The following RASSF1 variants were observed in gnomAD, a reference collection of about 807,000 sequenced individuals.
RASSF1 encodes the protein ras association domain-containing protein 1.
RASSF1 carries 33 observed loss-of-function variants against 34.3 expected under a neutral mutation model. The observed-to-expected ratio is 0.96, with a 90% CI of 0.73 to 1.29. The LOEUF (loss-of-function observed/expected upper bound fraction) is 1.29. Ranked by LOEUF, RASSF1 falls within the 50% of genes most tolerant of loss-of-function variation. The pLI is 0.00. For synonymous variants in RASSF1, 191 were observed against 195.0 expected, an observed-to-expected ratio of 0.98 and a Z score of 0.17; for missense variants, 445 against 471.8, an observed-to-expected ratio of 0.94 and a Z score of 0.53.
chr3:50,337,147 G>A, intron 2 of RASSF1: 2 of 1,584,984 alleles, frequency 1.3e-6, no homozygotes, highest in South Asian at 1.1e-5. Flanking sequence ...TTCCCCTCCC[G>A]CCCGCCGGCA....
rs587713967 is a variant in RASSF1 at position 50,331,847 on chromosome 3, C to T, written c.472G>A (p.Gly158Ser). The T allele has an allele frequency of 3.5e-5, 55 of 1,561,200 alleles. 1 individual carries two copies. In the African/African-American group the frequency reaches 3.5e-4, roughly 10 times the overall value. ...SNLFMSLNKD[G>S]SYTGFIKVQL... ...ACCTTGATGAAGCCTGTGTAAGAAC[C>T]GTCCTTGTTCTAAAGAAATAGAGAA... is the stretch of plus-strand genomic sequence containing the variant. The change falls in exon 4 of 6, where the codon GGT becomes AGT. Residue 158 changes from glycine to serine, a missense_variant. By Grantham distance (56) the Gly-to-Ser change is moderately conservative (BLOSUM62 0). Transcript: ENST00000359365.
Position 50,331,578 on chromosome 3 carries a change from G to A in RASSF1, c.741C>T (p.Arg247=), listed in dbSNP as rs201678786. Reference sequence around the variant, plus strand: ...GCCCACCTTGGCCGTGACGCTCAGCGCGCTCAAAGAGTGCAAACTTGCGGG... The same window carrying A: ...GCCCACCTTGGCCGTGACGCTCAGCACGCTCAAAGAGTGCAAACTTGCGGG... ...DDPRKFALFE[R]AERHGQVYLR... is the part of the protein sequence containing the mutation. The change falls in exon 4 of 6, where the codon CGC becomes CGT. Residue 247 remains arginine, a synonymous_variant. Transcript: ENST00000359365. 60 of 1,594,932 alleles carry A rather than the reference G, an allele frequency of 3.8e-5. 1 individual carries two copies. The South Asian group carries it at 4.1e-4, about 11-fold the overall frequency.
In RASSF1 at chr3:50,330,759, G is replaced by T. The variant is rs1553718222; in HGVS notation, c.877-32C>A. On this transcript the variant is annotated intron_variant, in intron 5 of 5. Coordinates refer to ENST00000359365, the MANE Select transcript of RASSF1 (RefSeq NM_007182.5). This position sits in a 1 kb window ranked among gnomAD's most constrained non-coding sequence, Gnocchi z 4.5. ...GGGGCAAAAGGGGAGTGTACAGGCT[G>T]CAGAAGGGATGGCCAAGCCAGCAGA... 6.2e-7 allele frequency: 1 copy of T among 1,606,930 alleles called. No homozygotes were observed. Among genetic ancestry groups the T allele is most frequent in the Admixed American group, 1.7e-5 (1 of 59,794 alleles).
chr3:50,331,632 C>T lies in RASSF1; in HGVS notation c.687G>A (p.Leu229=), dbSNP rs373628040. Residue 229 remains leucine (L), a synonymous_variant, in exon 4 of 6, where the codon CTG becomes CTA. Transcript: ENST00000359365. ...CATCCACCACCAAGAACTTTCGCAG[C>T]AGGGCCTCAATGACTTCACGTGCCC... is the stretch of plus-strand genomic sequence containing the variant. ...RTRAREVIEA[L]LRKFLVVDDP... The T allele has an allele frequency of 6.8e-6, 11 of 1,606,490 alleles. No individual in the cohort carries two copies. The highest frequency in any genetic ancestry group is 4.0e-5 in the African/African-American group (3 of 74,818).
chr3:50,333,384 C>T (rs1575542261), intron 2 of RASSF1, among the ~76,000 whole-genome samples: 1 of 152,152 alleles, frequency 6.6e-6, no homozygotes. Flanking sequence ...GCATAAAAGG[C>T]AGCTTTAGGC....
chr3:50,332,605 T>C (rs1702986791), intron 2 of RASSF1, among the ~76,000 whole-genome samples: 1 of 151,310 alleles, frequency 6.6e-6, no homozygotes, highest in Admixed American at 6.6e-5. Flanking sequence ...TTGGGCAACA[T>C]AGCAAGACCT....
chr3:50,337,712 C>T (rs1046695992), intron 2 of RASSF1, 193 bp downstream of exon 2: 5 of 831,762 alleles, frequency 6.0e-6, no homozygotes, highest in African/African-American at 1.7e-5. Context: ...CCGCTTGCAG[C>T]GGGTGGAGTA....
intron 2 of RASSF1, among the ~76,000 whole-genome samples, chr3:50,334,298 C>T (rs587737077): frequency 5.9e-5 from 9 of 152,250 alleles, no homozygotes; most frequent in African/African-American, 2.2e-4. Context: ...CATTTTCTTC[C>T]CCAAGTATCC....
chr3:50,339,082 C>T (rs1703268212), intron 1 of RASSF1, among the ~76,000 whole-genome samples: 1 of 152,238 alleles, frequency 6.6e-6, no homozygotes, highest in Admixed American at 6.5e-5. Context: ...ACTAGATCCT[C>T]CGTGCCAGTA....
rs1017192174 is a variant in RASSF1 at position 50,339,360 on chromosome 3, C to CTTTTT, written c.250+1191_250+1195dup. 2.2e-3 allele frequency among the ~76,000 whole-genome samples: 226 copies of CTTTTT among 104,436 alleles called. 7 individuals are homozygous for CTTTTT. Among genetic ancestry groups the CTTTTT allele is most frequent in the African/African-American group, 7.3e-3 (161 of 21,928 alleles). The allele number at this position is 104,436 out of a possible 152,430, so 68.5% of individuals were successfully genotyped here. On this transcript the variant is annotated intron_variant, in intron 1 of 5. Transcript: ENST00000359365. ...AACGCTGCAATGTCCCAGCCTTGTT[C>CTTTTT]TTTTTTTTTTTTTTTTTTTTTTTGA...
chr3:50,331,576 G>A lies in RASSF1; in HGVS notation c.743C>T (p.Ala248Val), dbSNP rs747148071. Residue 248 changes from alanine to valine, a missense_variant, in exon 4 of 6, where the codon GCT becomes GTT. Transcript: ENST00000359365. The part of the protein sequence containing the change: ...DPRKFALFER[A>V]ERHGQVYLRK... Reference sequence around the variant, plus strand: ...AAGCCCACCTTGGCCGTGACGCTCAGCGCGCTCAAAGAGTGCAAACTTGCG... The same window carrying A: ...AAGCCCACCTTGGCCGTGACGCTCAACGCGCTCAAAGAGTGCAAACTTGCG... The A allele has an allele frequency of 6.3e-7, 1 of 1,594,544 alleles. No homozygotes were observed. The highest frequency in any genetic ancestry group is 1.1e-5 in the South Asian group (1 of 90,562).
rs112677709 is a variant in RASSF1 at position 50,340,738 on chromosome 3, C to G, written c.68G>C (p.Arg23Pro). The G allele has an allele frequency of 2.2e-5, 33 of 1,514,664 alleles. No individual in the cohort carries two copies. In the African/African-American group the frequency reaches 2.3e-4, roughly 11 times the overall value. The allele number at this position is 1,514,664 out of a possible 1,614,324, so 93.8% of individuals were successfully genotyped here. A position where few individuals can be genotyped will look rare whatever the true frequency, so the allele number is the denominator to read the frequency against. ...LAPAGRAGKGRTRLERANALR... is the reference protein window; with the variant it reads ...LAPAGRAGKGPTRLERANALR... ...CGCGTTGGCACGCTCCAGCCGGGTG[C>G]GGCCCTTCCCAGCGCGCCCAGCGGG... The change falls in exon 1 of 6, where the codon CGC becomes CCC. Residue 23 changes from arginine (R) to proline (P), a missense_variant. By Grantham distance (103) the Arg-to-Pro change is moderately radical. Transcript: ENST00000359365.
At chr3:50,337,178 C>G in intron 2 of RASSF1, 1 of 1,610,436 alleles carries the variant, frequency 6.2e-7, no homozygotes, top group Non-Finnish European at 8.5e-7. Context: ...CCCACCTGGT[C>G]CCGGCGCGGC....
At chr3:50,332,806 A>G (rs1702993377) in intron 2 of RASSF1, among the ~76,000 whole-genome samples, 1 of 152,068 alleles carries the variant, frequency 6.6e-6, no homozygotes, top group Admixed American at 6.5e-5. Context: ...CACAAAAAAC[A>G]AAAACAGGCT....
In RASSF1 at chr3:50,337,953, C is replaced by T. The variant is rs1159209498; in HGVS notation, c.309G>A (p.Gly103=). The change falls in exon 2 of 6, where the codon GGG becomes GGA. Residue 103 remains glycine (G), a synonymous_variant. Transcript: ENST00000359365. ...CGGGTTCCCAGCCCAGGTCCCGGGGCCCGCAACAGTCCAGGCAGACGAGCG... is the reference window on the plus strand; with the variant it reads ...CGGGTTCCCAGCCCAGGTCCCGGGGTCCGCAACAGTCCAGGCAGACGAGCG... ...CRALVCLDCC[G]PRDLGWEPAV... 1.9e-6 allele frequency: 3 copies of T among 1,611,750 alleles called. No individual in the cohort carries two copies. The highest frequency in any genetic ancestry group is 2.5e-6 in the Non-Finnish European group (3 of 1,179,104).
Position 50,331,832 on chromosome 3 carries a change from A to C in RASSF1, c.487T>G (p.Phe163Val). ...SLNKDGSYTGFIKVQLKLVRP... is the reference protein window; with the variant it reads ...SLNKDGSYTGVIKVQLKLVRP... ...ACCAGCTTCAGCTGAACCTTGATGA[A>C]GCCTGTGTAAGAACCGTCCTTGTTC... Residue 163 changes from phenylalanine (F) to valine (V), a missense_variant, in exon 4 of 6, where the codon TTC becomes GTC. Phe to Val is a conservative substitution (Grantham distance 50, BLOSUM62 -1). Coordinates refer to ENST00000359365, the MANE Select transcript of RASSF1 (RefSeq NM_007182.5). The C allele has an allele frequency of 6.3e-7, 1 of 1,578,790 alleles. No individual in the cohort carries two copies. The highest frequency in any genetic ancestry group is 1.1e-5 in the South Asian group (1 of 88,304).
intron 1 of RASSF1, 155 bp from the exon 2 acceptor site, chr3:50,338,166 A>G (rs923063262): frequency 2.8e-6 from 4 of 1,419,222 alleles, no homozygotes; most frequent in East Asian, 2.7e-5. Context: ...GCGGACTCTA[A>G]TGTTGGCCAC....
chr3:50,337,445 A>T, intron 2 of RASSF1: 3 of 1,571,094 alleles, frequency 1.9e-6, no homozygotes, highest in Non-Finnish European at 2.6e-6. Flanking sequence ...CGCAACCGTT[A>T]AGACTGAAAC....
Position 50,330,739 on chromosome 3 carries a change from A to C in RASSF1, c.877-12T>G. The C allele has an allele frequency of 6.2e-7, 1 of 1,613,436 alleles. No individual in the cohort carries two copies. The highest frequency in any genetic ancestry group is 8.5e-7 in the Non-Finnish European group (1 of 1,179,698). Reference sequence around the variant, plus strand: ...CTGAAGGCGTCCCACTGCAAGGGGCAAAAGGGGAGTGTACAGGCTGCAGAA... The same window carrying C: ...CTGAAGGCGTCCCACTGCAAGGGGCCAAAGGGGAGTGTACAGGCTGCAGAA... On this transcript the variant is annotated splice_polypyrimidine_tract_variant and intron_variant, in intron 5 of 5. Coordinates refer to ENST00000359365, the MANE Select transcript of RASSF1 (RefSeq NM_007182.5). The surrounding 1 kb of genome is among the most constrained non-coding windows in gnomAD (Gnocchi z 4.5).
Sources: allele counts gnomAD v4.1 joint callset (sites outside exome capture counted in the v4.1 genomes callset), GRCh38; gene constraint gnomAD v4.1.1; non-coding constraint Gnocchi (gnomAD v3.1); transcripts MANE v1.5; gene names NCBI Gene and HGNC (gene_info 2026-07-23, HGNC 2026-07-21).